Variants in SFMBT2 observed in about 807,000 individuals in gnomAD.
SFMBT2 encodes the protein scm-like with four MBT domains protein 2.
In SFMBT2, 38 loss-of-function variants were observed where a neutral mutation model predicts 110.1. The observed-to-expected ratio is 0.35, with a 90% CI of 0.27 to 0.45. The LOEUF is 0.45. Among genes scored for constraint, SFMBT2 ranks in the 20% least tolerant of loss-of-function variants. The pLI is 1.00. For synonymous variants in SFMBT2, 425 were observed against 425.4 expected (o/e 1.00, Z 0.01); for missense variants, 1,011 against 1,094.9 (o/e 0.92, Z 1.08).
chr10:7,224,859 C>CT (rs1317066352), intron 10 of SFMBT2, among the ~76,000 whole-genome samples: 7 of 152,334 alleles, frequency 4.6e-5, no homozygotes, highest in Admixed American at 3.9e-4. Flanking sequence ...GAGACTACTT[C>CT]TTTTTCTGAC....
At chr10:7,289,479 G>A (rs1842200079) in intron 4 of SFMBT2, among the ~76,000 whole-genome samples, 4 of 152,162 alleles carry the variant, frequency 2.6e-5, no homozygotes, top group South Asian at 4.2e-4. Flanking sequence ...TACATCTTGC[G>A]AGCCTCAAGT....
intron 16 of SFMBT2, 115 bp downstream of exon 16, chr10:7,188,509 G>A (rs1159005629): frequency 3.3e-5 from 25 of 751,766 alleles, no homozygotes; most frequent in African/African-American, 7.0e-5. Flanking sequence ...CAGAACGAAC[G>A]TCCTTCAGTT....
At chr10:7,282,843 C>G (rs1194318514) in intron 6 of SFMBT2, among the ~76,000 whole-genome samples, 1 of 150,954 alleles carries the variant, frequency 6.6e-6, no homozygotes, top group East Asian at 1.9e-4. Context: ...TGTCCTTATT[C>G]CAAATACAGC....
intron 4 of SFMBT2, among the ~76,000 whole-genome samples, chr10:7,331,958 C>T (rs1233213663): frequency 1.4e-5 from 2 of 148,094 alleles, no homozygotes; most frequent in African/African-American, 5.0e-5. Context: ...TGCACTGAGC[C>T]GAGATCATCA....
chr10:7,350,723 C>A (rs373743050), intron 4 of SFMBT2, among the ~76,000 whole-genome samples: 2 of 152,200 alleles, frequency 1.3e-5, no homozygotes, highest in Admixed American at 6.5e-5. Context: ...AATAATAATA[C>A]ATTTCAACTC....
At chr10:7,206,540 T>G (rs1032962239) in intron 11 of SFMBT2, 9 of 985,342 alleles carry the variant, frequency 9.1e-6, no homozygotes, top group African/African-American at 1.7e-5. Context: ...TGAACTCAGT[T>G]TGTGGCCTGT....
At chr10:7,396,561 G>A (rs1269358952) in intron 1 of SFMBT2, among the ~76,000 whole-genome samples, 2 of 152,084 alleles carry the variant, frequency 1.3e-5, no homozygotes, top group Non-Finnish European at 2.9e-5. Context: ...GATAAGTCCA[G>A]TTCCAACTTC....
intron 3 of SFMBT2, 55 bp downstream of exon 3, chr10:7,370,226 A>T: frequency 5.5e-6 from 8 of 1,459,832 alleles, no homozygotes; most frequent in Non-Finnish European, 7.7e-6. Flanking sequence ...CTCCCTATAG[A>T]TTCCTTCCCT....
chr10:7,224,613 G>A (rs775640647), intron 10 of SFMBT2, among the ~76,000 whole-genome samples: 7 of 152,094 alleles, frequency 4.6e-5, no homozygotes, highest in South Asian at 2.1e-4. Context: ...TTTTGCTCAC[G>A]TTCCACTACC....
At chr10:7,285,671 G>A (rs1478889044) in intron 5 of SFMBT2, 195 bp downstream of exon 5, 3 of 552,460 alleles carry the variant, frequency 5.4e-6, no homozygotes, top group East Asian at 3.0e-5. Flanking sequence ...TGCATCACAG[G>A]GGAAGTTTCA....
Position 7,370,285 on chromosome 10 carries a change from T to C in SFMBT2, c.191A>G (p.Lys64Arg), listed in dbSNP as rs1321884569. The change falls in exon 3 of 21, where the codon AAA becomes AGA. Residue 64 changes from lysine to arginine, a missense_variant. Around this residue, in one of 2 missense-constraint regions of SFMBT2, gnomAD observed 979 missense variants for 1,016.1 expected, o/e 0.96. Transcript: ENST00000397167. ...GASAAPHTSF[K>R]HVEISIQSNF... The stretch of plus-strand genomic sequence containing the variant: ...GACACAAGCTGCTTTACATACGTGT[T>C]TGAATGATGTGTGGGGAGCAGCACT... The C allele has an allele frequency of 3.7e-6, 6 of 1,613,800 alleles. No homozygotes were observed. Among genetic ancestry groups the C allele is most frequent in the Non-Finnish European group, 5.1e-6 (6 of 1,179,666 alleles).
chr10:7,315,103 A>AG (rs1842970563), intron 4 of SFMBT2, among the ~76,000 whole-genome samples: 1 of 145,390 alleles, frequency 6.9e-6, no homozygotes, highest in African/African-American at 2.5e-5. Flanking sequence ...AAAGAAAGAA[A>AG]GAAAGAAAAA....
At chr10:7,339,836 AC>A (rs1843833061) in intron 4 of SFMBT2, among the ~76,000 whole-genome samples, 1 of 152,218 alleles carries the variant, frequency 6.6e-6, no homozygotes, top group South Asian at 2.1e-4. Flanking sequence ...CTCTGTTCTA[AC>A]AGGGCTCCCC....
intron 10 of SFMBT2, 91 bp from the exon 11 acceptor site, chr10:7,220,628 C>T (rs528314231): frequency 2.0e-5 from 26 of 1,321,518 alleles, no homozygotes; most frequent in Admixed American, 1.6e-4. Flanking sequence ...TGCACGCACA[C>T]GCATCTTACA....
intron 9 of SFMBT2, among the ~76,000 whole-genome samples, chr10:7,238,985 C>A (rs938084233): frequency 1.3e-5 from 2 of 152,112 alleles, no homozygotes; most frequent in Non-Finnish European, 2.9e-5. Flanking sequence ...TTTTGCTTAC[C>A]AGGAAAATCC....
chr10:7,179,718 G>A lies in SFMBT2; in HGVS notation c.1809-3553C>T, dbSNP rs560026010. Among the ~76,000 whole-genome samples, 31 of 152,350 alleles carry A rather than the reference G, an allele frequency of 2.0e-4. 1 individual carries two copies. The highest frequency in any genetic ancestry group is 1.7e-3 in the Admixed American group (26 of 15,298). ...ACTGCTCATCAAACCTCCAGGTGAC[G>A]AAGCACACACACGCGCTGCCACATC... On this transcript the variant is annotated intron_variant, in intron 16 of 20. Coordinates refer to ENST00000397167, the MANE Select transcript of SFMBT2 (RefSeq NM_001387889.1).
chr10:7,200,435 A>C lies in SFMBT2; in HGVS notation c.1537T>G (p.Phe513Val), dbSNP rs891600137. ...TTACCTGTGGTGTCCAGGTGAGGGA[A>C]TAAACAAAGGTCATGAGGTATTTTC... ...VKKIPHDLCL[F>V]PHLDTTGTVN... The change falls in exon 14 of 21, where the codon TTC (phenylalanine) becomes GTC (valine). Residue 513 changes from phenylalanine (F) to valine (V), a missense_variant. Around this residue, in one of 2 missense-constraint regions of SFMBT2, gnomAD observed 979 missense variants for 1,016.1 expected, o/e 0.96. Coordinates refer to ENST00000397167, the MANE Select transcript of SFMBT2 (RefSeq NM_001387889.1). 6.2e-7 allele frequency: 1 copy of C among 1,600,736 alleles called. No individual in the cohort carries two copies. The highest frequency in any genetic ancestry group is 8.5e-7 in the Non-Finnish European group (1 of 1,173,210).
intron 7 of SFMBT2, among the ~76,000 whole-genome samples, chr10:7,257,458 G>C (rs1303553469): frequency 1.3e-5 from 2 of 152,204 alleles, no homozygotes; most frequent in African/African-American, 4.8e-5. Context: ...CCTGGATATA[G>C]TCATCATGAG....
At chr10:7,164,490 A>G in intron 20 of SFMBT2, 1 of 975,540 alleles carries the variant, frequency 1.0e-6, no homozygotes, top group Non-Finnish European at 1.2e-6. Context: ...AAGAGCTGGA[A>G]CAGGTGGGTT....
Sources: allele counts gnomAD v4.1 joint callset (sites outside exome capture counted in the v4.1 genomes callset), GRCh38; gene constraint gnomAD v4.1.1; regional missense constraint gnomAD v4.1.1; transcripts MANE v1.5; gene names NCBI Gene and HGNC (gene_info 2026-07-23, HGNC 2026-07-21).